Variants in TBC1D12 observed in about 807,000 individuals in gnomAD.
TBC1D12 encodes TBC1 domain family member 12, also known as TBC1 domain family, member 12.
A neutral mutation model predicts 86.7 loss-of-function variants in TBC1D12; 56 were observed. That is an observed-to-expected ratio of 0.65 (90% confidence interval 0.52 to 0.81). The LOEUF (loss-of-function observed/expected upper bound fraction) is 0.81, where lower values mean the gene tolerates loss of function less well. Ranked by LOEUF, TBC1D12 falls within the 30% of genes least tolerant of loss-of-function variation. The pLI, the probability that TBC1D12 is intolerant of heterozygous loss-of-function variation, is 0.00. For missense variants in TBC1D12, 1,023 were observed against 1,038.8 expected (o/e 0.98, Z 0.21); for synonymous variants, 421 against 411.7 (o/e 1.02, Z -0.27).
intron 2 of TBC1D12, among the ~76,000 whole-genome samples, chr10:94,451,851 G>T (rs543105472): frequency 9.2e-5 from 14 of 151,984 alleles, no homozygotes; most frequent in Non-Finnish European, 1.6e-4. Flanking sequence ...AATGTTTCTT[G>T]GGCATTATAT....
intron 10 of TBC1D12, 62 bp from the exon 11 acceptor site, chr10:94,522,282 G>T: frequency 1.8e-6 from 2 of 1,096,394 alleles, no homozygotes; most frequent in African/African-American, 3.2e-5. Flanking sequence ...GTGTTTAAGC[G>T]TTTAATTTCT....
At chr10:94,449,548 G>C (rs892022840) in intron 2 of TBC1D12, among the ~76,000 whole-genome samples, 5 of 152,114 alleles carry the variant, frequency 3.3e-5, no homozygotes, top group Admixed American at 1.3e-4. Context: ...CTCTATCTTG[G>C]GCAGACATGG....
At chr10:94,419,128 CT>C (rs2055041709) in intron 1 of TBC1D12, among the ~76,000 whole-genome samples, 1 of 152,284 alleles carries the variant, frequency 6.6e-6, no homozygotes, top group South Asian at 2.1e-4. Context: ...CGGCCTCGGC[CT>C]CCCGAAGTGC....
rs181603698 is a variant in TBC1D12 at position 94,460,404 on chromosome 10, A to G, written c.1096-14264A>G. Among the ~76,000 whole-genome samples, 461 of 151,658 alleles carry G rather than the reference A, an allele frequency of 3.0e-3. 3 individuals carry two copies. The highest frequency in any genetic ancestry group is 0.011 in the African/African-American group (437 of 41,342). On this transcript the variant is annotated intron_variant, in intron 2 of 12. Transcript: ENST00000225235. ...TAGGGTACAGAATTCTAGGTTTGCA[A>G]TTTTTTTTCTCTTGGCACTTTAAAT...
intron 2 of TBC1D12, among the ~76,000 whole-genome samples, chr10:94,450,185 T>G (rs1229212022): frequency 6.6e-6 from 1 of 152,160 alleles, no homozygotes; most frequent in African/African-American, 2.4e-5. Flanking sequence ...TATATCTATA[T>G]CTACATCCTA....
intron 2 of TBC1D12, among the ~76,000 whole-genome samples, chr10:94,454,315 G>A (rs2055594565): frequency 1.3e-5 from 2 of 152,234 alleles, no homozygotes; most frequent in South Asian, 2.1e-4. Context: ...AGGTTCGAGC[G>A]ATTCTCCTGC....
intron 4 of TBC1D12, 73 bp downstream of exon 4, chr10:94,493,520 C>A: frequency 9.0e-7 from 1 of 1,115,220 alleles, no homozygotes; most frequent in South Asian, 1.3e-5. Context: ...TTCATCAAGT[C>A]TGTCTTCAAG....
At chr10:94,473,231 A>T (rs2055935187) in intron 2 of TBC1D12, among the ~76,000 whole-genome samples, 1 of 151,600 alleles carries the variant, frequency 6.6e-6, no homozygotes, top group Non-Finnish European at 1.5e-5. Flanking sequence ...GTGGTGGCTG[A>T]TGCCTGTAAT....
intron 6 of TBC1D12, among the ~76,000 whole-genome samples, chr10:94,503,908 A>C (rs2056429856): frequency 6.6e-6 from 1 of 152,264 alleles, no homozygotes; most frequent in Non-Finnish European, 1.5e-5. Flanking sequence ...TACAGGCATG[A>C]GCCACTGTGC....
intron 2 of TBC1D12, among the ~76,000 whole-genome samples, chr10:94,443,282 G>GTGCC (rs2055407431): frequency 6.6e-6 from 1 of 152,150 alleles, no homozygotes; most frequent in South Asian, 2.1e-4. Flanking sequence ...GTTAGACCAT[G>GTGCC]TGCCTCCTCC....
intron 1 of TBC1D12, among the ~76,000 whole-genome samples, chr10:94,420,534 G>A (rs1029166776): frequency 6.6e-6 from 1 of 152,102 alleles, no homozygotes; most frequent in African/African-American, 2.4e-5. Flanking sequence ...CTTCCATCCT[G>A]CCTTGTCTCC....
At chr10:94,461,024 C>T (rs143426976) in intron 2 of TBC1D12, among the ~76,000 whole-genome samples, 82 of 152,196 alleles carry the variant, frequency 5.4e-4, no homozygotes, top group African/African-American at 1.9e-3. Flanking sequence ...CTCTTTAAAA[C>T]GAATTCTGGT....
At chr10:94,403,618 TC>T in intron 1 of TBC1D12, 34 bp downstream of exon 1, 4 of 1,385,936 alleles carry the variant, frequency 2.9e-6, no homozygotes, top group Non-Finnish European at 3.7e-6. Flanking sequence ...TCGGGGCGGG[TC>T]CGGGGCCGGG....
At chr10:94,532,940 T>G in intron 12 of TBC1D12, 88 bp from the exon 13 acceptor site, 1 of 757,324 alleles carries the variant, frequency 1.3e-6, no homozygotes. Flanking sequence ...AATAAAGCTT[T>G]TTCATGTTTA....
At chr10:94,427,312 C>T (rs373795165) in intron 1 of TBC1D12, among the ~76,000 whole-genome samples, 2 of 152,114 alleles carry the variant, frequency 1.3e-5, no homozygotes, top group East Asian at 3.9e-4. Context: ...GTGTGCTTAT[C>T]CTAAAAGTTC....
chr10:94,432,214 A>G (rs764228488), intron 1 of TBC1D12, among the ~76,000 whole-genome samples: 1 of 152,136 alleles, frequency 6.6e-6, no homozygotes. Context: ...ATTTATCTCC[A>G]TTGAGACATC....
Position 94,531,390 on chromosome 10 carries a change from T to C in TBC1D12, c.2189T>C (p.Ile730Thr), listed in dbSNP as rs754068844. The C allele has an allele frequency of 6.2e-6, 10 of 1,613,982 alleles. No homozygotes were observed. In the Admixed American group the frequency reaches 8.3e-5, roughly 13 times the overall value. ...AQFLTKLPEDITSEKLFSCIA... is the reference protein window; with the variant it reads ...AQFLTKLPEDTTSEKLFSCIA... ...TTTCTAACTAAATTGCCAGAAGATA[T>C]CACATCGGAAAAGCTGTTCAGTTGT... Residue 730 changes from isoleucine to threonine, a missense_variant, in exon 12 of 13, where the codon ATC (isoleucine) becomes ACC (threonine). Coordinates refer to ENST00000225235, the MANE Select transcript of TBC1D12 (RefSeq NM_015188.2).
chr10:94,403,529 G>A lies in TBC1D12; in HGVS notation c.916G>A (p.Ala306Thr), dbSNP rs771573232. The A allele has an allele frequency of 1.3e-6, 2 of 1,537,156 alleles. No homozygotes were observed. The highest frequency in any genetic ancestry group is 4.1e-4 in the Middle Eastern group (2 of 4,910). ...CTTGCCCGCCGCGGAGCAGGGTCCT[G>A]CGGGGGCTTCGGCCCGGGCTCGACG... Reference protein sequence around the residue: ...VPLPAAEQGPAGASARARRSG... With the variant: ...VPLPAAEQGPTGASARARRSG... Residue 306 changes from alanine to threonine, a missense_variant, in exon 1 of 13, where the codon GCG (alanine) becomes ACG (threonine). Physicochemically the swap from Ala to Thr is moderately conservative, Grantham distance 58. This residue lies in a region of TBC1D12 where 628 missense variants were observed against 531.1 expected (regional missense o/e 1.18). Transcript: ENST00000225235.
intron 6 of TBC1D12, among the ~76,000 whole-genome samples, chr10:94,505,340 A>G (rs1362243890): frequency 6.6e-6 from 1 of 152,180 alleles, no homozygotes; most frequent in African/African-American, 2.4e-5. Flanking sequence ...GCACTTTGGG[A>G]GGCCGAGGCA....
Sources: gnomAD v4.1 joint callset for allele counts (sites outside exome capture counted in the v4.1 genomes callset) on GRCh38, gnomAD v4.1.1 for gene constraint, gnomAD v4.1.1 regional missense constraint, MANE v1.5 for transcripts, NCBI Gene and HGNC (gene_info 2026-07-23, HGNC 2026-07-21) for gene names.